The following MCTP2 variants were observed in gnomAD, a reference collection of about 807,000 sequenced individuals.
MCTP2 encodes the protein multiple C2 and transmembrane domain containing 2, also known as multiple C2 and transmembrane domain-containing protein 2.
A neutral mutation model predicts 111.6 loss-of-function variants in MCTP2; 132 were observed. The ratio of observed to expected loss-of-function variants is 1.18; its 90% CI spans 1.03 to 1.37. MCTP2 has a LOEUF of 1.37. Among genes scored for constraint, MCTP2 ranks in the 40% most tolerant of loss-of-function variants. The pLI, the probability that MCTP2 is intolerant of heterozygous loss-of-function variation, is 0.00. For missense variants in MCTP2, 1,183 were observed against 1,067.9 expected (o/e 1.11, Z -1.50); for synonymous variants, 395 against 387.7 (o/e 1.02, Z -0.22).
At chr15:94,254,768 C>T (rs2072659308) in intron 1 of MCTP2, among the ~76,000 whole-genome samples, 1 of 152,180 alleles carries the variant, frequency 6.6e-6, no homozygotes, top group Non-Finnish European at 1.5e-5. Flanking sequence ...AAATTTTATA[C>T]TTGTCCTTAT....
chr15:94,431,430 T>C (rs988485650), intron 17 of MCTP2, among the ~76,000 whole-genome samples: 3 of 152,196 alleles, frequency 2.0e-5, no homozygotes, highest in Non-Finnish European at 4.4e-5. Flanking sequence ...TAATGAAAGG[T>C]CTTAACTGTT....
intron 14 of MCTP2, among the ~76,000 whole-genome samples, chr15:94,386,497 C>T (rs1036603324): frequency 1.5e-4 from 23 of 152,188 alleles, no homozygotes; most frequent in African/African-American, 9.7e-5. Context: ...AATTTCTCCC[C>T]GAGTTCTCAT....
chr15:94,413,691 C>T (rs2152487694), intron 17 of MCTP2, among the ~76,000 whole-genome samples: 1 of 151,852 alleles, frequency 6.6e-6, no homozygotes, highest in East Asian at 1.9e-4. Flanking sequence ...TTTAATGTGA[C>T]TAGGATCACA....
chr15:94,469,501 T>C (rs117269251), intron 20 of MCTP2, among the ~76,000 whole-genome samples: 1 of 152,332 alleles, frequency 6.6e-6, no homozygotes, highest in East Asian at 1.9e-4. Context: ...CACTGTTAGA[T>C]TTCTGGTGTA....
chr15:94,244,768 G>C (rs182939182), intron 1 of MCTP2, among the ~76,000 whole-genome samples: 1 of 144,060 alleles, frequency 6.9e-6, no homozygotes, highest in African/African-American at 2.6e-5. Flanking sequence ...GTTTATATTC[G>C]TATATGTATA....
At chr15:94,335,534 C>T (rs2152396108) in intron 4 of MCTP2, among the ~76,000 whole-genome samples, 1 of 152,258 alleles carries the variant, frequency 6.6e-6, no homozygotes. Flanking sequence ...ATTCCATAAG[C>T]AAAAGACAAA....
chr15:94,371,213 T>A (rs2079467595), intron 12 of MCTP2, among the ~76,000 whole-genome samples: 1 of 152,048 alleles, frequency 6.6e-6, no homozygotes, highest in Non-Finnish European at 1.5e-5. Context: ...AGTGAGAAGA[T>A]CCAAAAATGG....
In MCTP2 at chr15:94,385,532, T is replaced by C. The variant is rs762304036; in HGVS notation, c.1788+7T>C. ...TGCCATTCCCTTGCTGTCCGTAAGT[T>C]TCCTTTATTAATAAACAATTTGTGA... On this transcript the variant is annotated splice_region_variant and intron_variant, in intron 14 of 22. Coordinates refer to ENST00000357742, the MANE Select transcript of MCTP2 (RefSeq NM_001385001.1). 5.1e-6 allele frequency: 8 copies of C among 1,580,386 alleles called. No homozygotes were observed. In the Admixed American group the frequency reaches 1.2e-4, roughly 23 times the overall value.
At position 94,263,659 on chromosome 15, in the gene MCTP2, A is replaced by G. The variant is rs956012150; in HGVS notation, c.-66+31995A>G. Among the ~76,000 whole-genome samples the G allele has an allele frequency of 6.6e-5, 10 of 152,238 alleles. No individual in the cohort carries two copies. In the East Asian group the frequency reaches 1.7e-3, roughly 26 times the overall value. ...GTGAAGTCACCAACCAAAAGCACAA[A>G]GAGATGAAAAACACAGCATTAAATA... On this transcript the variant is annotated intron_variant, in intron 1 of 22. Coordinates refer to ENST00000357742, the MANE Select transcript of MCTP2 (RefSeq NM_001385001.1).
Position 94,396,448 on chromosome 15 carries a change from G to A in MCTP2, c.1789-2513G>A, listed in dbSNP as rs186144575. 2.0e-3 allele frequency among the ~76,000 whole-genome samples: 298 copies of A among 152,162 alleles called. 2 individuals carry two copies. The highest frequency in any genetic ancestry group is 3.3e-3 in the Non-Finnish European group (227 of 67,974). ...TTTGTTTAGACGTGGAATTGTGTGT[G>A]TGTGTATATATATATGTTTGGTTTT... On this transcript the variant is annotated intron_variant, in intron 14 of 22. Coordinates refer to ENST00000357742, the MANE Select transcript of MCTP2 (RefSeq NM_001385001.1).
intron 1 of MCTP2, among the ~76,000 whole-genome samples, chr15:94,276,197 A>G (rs1009068694): frequency 6.6e-6 from 1 of 152,124 alleles, no homozygotes; most frequent in Non-Finnish European, 1.5e-5. Flanking sequence ...TTTGTATTCT[A>G]TGCCAGAAAA....
At chr15:94,371,126 G>GAA (rs372022866) in intron 12 of MCTP2, among the ~76,000 whole-genome samples, 52 of 143,416 alleles carry the variant, frequency 3.6e-4, no homozygotes, top group African/African-American at 1.3e-3. Context: ...AAACTTAGTT[G>GAA]AAAAAAAAAA....
intron 7 of MCTP2, chr15:94,342,562 A>T (rs1201621103): frequency 6.6e-6 from 1 of 151,740 alleles, no homozygotes; most frequent in East Asian, 1.9e-4. Flanking sequence ...TTATATATAC[A>T]CACACAAATA....
At chr15:94,382,139 A>G (rs28695319) in intron 12 of MCTP2, among the ~76,000 whole-genome samples, 8,516 of 152,300 alleles carry the variant, frequency 0.056, 313 homozygotes, top group African/African-American at 0.082. Flanking sequence ...AAGCAGGAGT[A>G]GAGAATTCAT....
chr15:94,315,551 GC>G lies in MCTP2; in HGVS notation c.552del (p.Leu185Ter), dbSNP rs1874297297. On this transcript the variant is annotated frameshift_variant, in exon 4 of 23. Transcript: ENST00000357742. LOFTEE classifies it high-confidence loss of function. ...EQSVPGEASD[G>X]LSNLPSPFAY... ...CAGGTACCGGGGGAAGCCAGTGATG[GC>G]TTGAGTAACCTCCCCAGCCCTTTTG... 2 of 1,613,896 alleles carry G rather than the reference GC, an allele frequency of 1.2e-6. No individual in the cohort carries two copies. The highest frequency in any genetic ancestry group is 2.7e-5 in the African/African-American group (2 of 74,888).
At chr15:94,344,984 G>C (rs936622791) in intron 7 of MCTP2, 145 bp from the exon 8 acceptor site, 18 of 876,828 alleles carry the variant, frequency 2.1e-5, no homozygotes, top group African/African-American at 3.5e-5. Context: ...GCTCAAATAT[G>C]CTTTCTCTAT....
At chr15:94,259,278 T>C (rs1447766525) in intron 1 of MCTP2, among the ~76,000 whole-genome samples, 2 of 152,196 alleles carry the variant, frequency 1.3e-5, no homozygotes, top group Admixed American at 1.3e-4. Flanking sequence ...TCCAAATTCT[T>C]CACCTTTAAA....
Position 94,298,617 on chromosome 15 carries a change from A to G in MCTP2, c.352A>G (p.Thr118Ala), listed in dbSNP as rs369890696. ...AGCCAGTCACCTCCATGTGGTGGAA[A>G]CAGACTCAGAGGAGGCCTATGCCTC... Reference protein sequence around the residue: ...EEASHLHVVETDSEEAYASPA... With the variant: ...EEASHLHVVEADSEEAYASPA... Residue 118 changes from threonine (T) to alanine (A), a missense_variant, in exon 2 of 23, where the codon ACA (threonine) becomes GCA (alanine). By Grantham distance (58) the Thr-to-Ala change is moderately conservative (BLOSUM62 0). Coordinates refer to ENST00000357742, the MANE Select transcript of MCTP2 (RefSeq NM_001385001.1). 6 of 1,614,126 alleles carry G rather than the reference A, an allele frequency of 3.7e-6. No individual in the cohort carries two copies. The highest frequency in any genetic ancestry group is 5.1e-6 in the Non-Finnish European group (6 of 1,180,012).
At chr15:94,281,872 G>C (rs999000040) in intron 1 of MCTP2, among the ~76,000 whole-genome samples, 1 of 151,838 alleles carries the variant, frequency 6.6e-6, no homozygotes, top group Non-Finnish European at 1.5e-5. Flanking sequence ...TTCATATACT[G>C]AATATAGGCC....
Sources: allele counts gnomAD v4.1 joint callset (sites outside exome capture counted in the v4.1 genomes callset), GRCh38; gene constraint gnomAD v4.1.1; transcripts MANE v1.5; gene names NCBI Gene and HGNC (gene_info 2026-07-23, HGNC 2026-07-21).